HIPK1: variants seen among roughly 807,000 people sequenced by gnomAD.
The protein encoded by HIPK1 is homeodomain-interacting protein kinase 1.
HIPK1 carries 28 observed loss-of-function variants against 117.1 expected under a neutral mutation model. That is an observed-to-expected ratio of 0.24 (90% CI 0.18 to 0.33). The LOEUF (loss-of-function observed/expected upper bound fraction) is 0.33. Among genes scored for constraint, HIPK1 ranks in the 10% least tolerant of loss-of-function variants. HIPK1 has a pLI of 1.00. For synonymous variants in HIPK1, 605 were observed against 562.5 expected, an observed-to-expected ratio of 1.08 and a Z score of -1.07; for missense variants, 1,122 against 1,475.1, an observed-to-expected ratio of 0.76 and a Z score of 3.92.
intron 14 of HIPK1, among the ~76,000 whole-genome samples, chr1:113,970,605 GA>G (rs1162827839): frequency 3.3e-5 from 5 of 152,314 alleles, no homozygotes; most frequent in Admixed American, 6.5e-5. Flanking sequence ...ATATTCTTTA[GA>G]TTTTTTTCTC....
intron 6 of HIPK1, 121 bp from the exon 7 acceptor site, chr1:113,957,003 C>A: frequency 1.1e-6 from 1 of 934,260 alleles, no homozygotes; most frequent in South Asian, 1.7e-5. Flanking sequence ...TATACAAATT[C>A]TTGATTTATT....
chr1:113,931,536 C>T (rs1669897634), intron 1 of HIPK1, among the ~76,000 whole-genome samples: 1 of 152,004 alleles, frequency 6.6e-6, no homozygotes, highest in Non-Finnish European at 1.5e-5. Context: ...GCTGGTGATA[C>T]CTTCATGAAT....
intron 12 of HIPK1, 22 bp from the exon 13 acceptor site, chr1:113,968,420 T>C (rs775429286): frequency 6.4e-7 from 1 of 1,570,738 alleles, no homozygotes; most frequent in South Asian, 1.1e-5. Flanking sequence ...GAATCATCTT[T>C]CCATGTGAAC....
rs778750886 is a variant in HIPK1 at position 113,956,633 on chromosome 1, A to G, written c.1414A>G (p.Met472Val). 1 of 1,608,668 alleles carries G rather than the reference A, an allele frequency of 6.2e-7. No homozygotes were observed. Among genetic ancestry groups the G allele is most frequent in the Admixed American group, 1.7e-5 (1 of 58,192 alleles). Residue 472 changes from methionine to valine, a missense_variant, in exon 6 of 16, where the codon ATG (methionine) becomes GTG (valine). By Grantham distance (21) the Met-to-Val change is conservative (BLOSUM62 1). Coordinates refer to ENST00000426820, the MANE Select transcript of HIPK1 (RefSeq NM_198268.3). Reference sequence around the variant, plus strand: ...TCTGAATTTTCTTTGGAAGGTGAATATGTCTACAGACCTGGAGGGAACAGA... The same window carrying G: ...TCTGAATTTTCTTTGGAAGGTGAATGTGTCTACAGACCTGGAGGGAACAGA... ...NCLDDMAQVN[M>V]STDLEGTDML...
At chr1:113,949,478 G>A (rs1267427990) in intron 2 of HIPK1, among the ~76,000 whole-genome samples, 1 of 152,086 alleles carries the variant, frequency 6.6e-6, no homozygotes, top group African/African-American at 2.4e-5. Context: ...TCAAACTTGT[G>A]CAGTGTTGAA....
intron 12 of HIPK1, 151 bp downstream of exon 12, chr1:113,968,099 G>A (rs938024728): frequency 4.4e-6 from 3 of 676,876 alleles, no homozygotes; most frequent in Admixed American, 6.4e-5. Flanking sequence ...ATCTGGGCAT[G>A]TACACCAGGT....
intron 10 of HIPK1, among the ~76,000 whole-genome samples, chr1:113,965,224 G>A (rs988738933): frequency 6.6e-6 from 1 of 151,992 alleles, no homozygotes; most frequent in African/African-American, 2.4e-5. Flanking sequence ...ATGTACCCAA[G>A]CATTGTAGGT....
intron 1 of HIPK1, among the ~76,000 whole-genome samples, chr1:113,938,909 CAAAAA>C (rs55998621): frequency 7.9e-5 from 2 of 25,348 alleles, no homozygotes; most frequent in Admixed American, 4.9e-4. Context: ...GACTCTGTCT[CAAAAA>C]AAAAAAAAAA....
At chr1:113,952,046 C>G (rs1671402323) in intron 2 of HIPK1, among the ~76,000 whole-genome samples, 1 of 142,676 alleles carries the variant, frequency 7.0e-6, no homozygotes, top group Admixed American at 7.5e-5. Context: ...TCAAGCGATT[C>G]TTTTGTCTCA....
intron 2 of HIPK1, among the ~76,000 whole-genome samples, chr1:113,942,776 T>G (rs1276982899): frequency 6.6e-6 from 1 of 152,216 alleles, no homozygotes; most frequent in Non-Finnish European, 1.5e-5. Context: ...AAAATGTGCT[T>G]TTTATCAGCA....
chr1:113,955,706 G>A, intron 5 of HIPK1, 57 bp downstream of exon 5: 1 of 910,002 alleles, frequency 1.1e-6, no homozygotes, highest in Non-Finnish European at 1.8e-6. Flanking sequence ...AGACACTTCT[G>A]TTGATTATAC....
chr1:113,946,450 A>G (rs534189326), intron 2 of HIPK1, among the ~76,000 whole-genome samples: 1 of 152,352 alleles, frequency 6.6e-6, no homozygotes, highest in South Asian at 2.1e-4. Flanking sequence ...TAGGAGATAA[A>G]AATTATTTGG....
At chr1:113,960,256 A>G (rs1465269236) in intron 8 of HIPK1, among the ~76,000 whole-genome samples, 1 of 152,186 alleles carries the variant, frequency 6.6e-6, no homozygotes, top group African/African-American at 2.4e-5. Context: ...ATAAAACAAA[A>G]TAATAACAAA....
intron 2 of HIPK1, among the ~76,000 whole-genome samples, chr1:113,948,476 A>G (rs1361111899): frequency 6.6e-6 from 1 of 151,476 alleles, no homozygotes; most frequent in Non-Finnish European, 1.5e-5. Flanking sequence ...GCTGGTCTCA[A>G]ACTCCTGCTC....
At chr1:113,971,748 G>T in intron 14 of HIPK1, 76 bp from the exon 15 acceptor site, 1 of 1,417,754 alleles carries the variant, frequency 7.1e-7, no homozygotes, top group Non-Finnish European at 9.6e-7. Flanking sequence ...TACAGATGTG[G>T]ACTAATTAAT....
chr1:113,930,044 G>A, intron 1 of HIPK1: 3 of 983,580 alleles, frequency 3.1e-6, no homozygotes, highest in Non-Finnish European at 3.6e-6. Flanking sequence ...CGCCCAGCCT[G>A]CCGGGGGCGC....
chr1:113,950,620 C>T (rs1361095774), intron 2 of HIPK1, among the ~76,000 whole-genome samples: 1 of 152,096 alleles, frequency 6.6e-6, no homozygotes, highest in African/African-American at 2.4e-5. Flanking sequence ...TCTCTTGCCT[C>T]AGCCTCTGAG....
intron 15 of HIPK1, 66 bp from the exon 16 acceptor site, chr1:113,972,958 C>T: frequency 6.7e-7 from 1 of 1,491,144 alleles, no homozygotes; most frequent in South Asian, 1.4e-5. Flanking sequence ...GAGCTCTTAA[C>T]TTGGCCTTTG....
chr1:113,943,078 TAA>T (rs986772947), intron 2 of HIPK1, among the ~76,000 whole-genome samples: 19 of 152,230 alleles, frequency 1.2e-4, no homozygotes, highest in African/African-American at 4.6e-4. Context: ...TTTCCTTTTT[TAA>T]AAACATTGTG....
Sources: allele counts gnomAD v4.1 joint callset (sites outside exome capture counted in the v4.1 genomes callset), GRCh38; gene constraint gnomAD v4.1.1; transcripts MANE v1.5; gene names NCBI Gene and HGNC (gene_info 2026-07-23, HGNC 2026-07-21).